ARHGAP10: variants seen among roughly 807,000 people sequenced by gnomAD.
The protein encoded by ARHGAP10 is rho GTPase-activating protein 10.
ARHGAP10 carries 87 observed loss-of-function variants against 108.6 expected under a neutral mutation model. That is an observed-to-expected ratio of 0.80 (90% CI 0.67 to 0.96). The LOEUF is 0.96. Among genes scored for constraint, ARHGAP10 ranks in the 40% least tolerant of loss-of-function variants. The pLI, the probability that ARHGAP10 is intolerant of heterozygous loss-of-function variation, is 0.00. For synonymous variants in ARHGAP10, 347 were observed against 341.1 expected, an observed-to-expected ratio of 1.02 and a Z score of -0.19; for missense variants, 939 against 954.5, an observed-to-expected ratio of 0.98 and a Z score of 0.21.
chr4:148,064,340 AG>A (rs1339790169), intron 21 of ARHGAP10, 75 bp from the exon 22 acceptor site: 4 of 1,271,996 alleles, frequency 3.1e-6, no homozygotes, highest in East Asian at 4.8e-5. Context: ...GATTTGGGGA[AG>A]GGGGGTTGGG....
At chr4:148,067,999 G>A (rs1387417646) in intron 22 of ARHGAP10, among the ~76,000 whole-genome samples, 1 of 151,252 alleles carries the variant, frequency 6.6e-6, no homozygotes, top group Non-Finnish European at 1.5e-5. Flanking sequence ...CCCCACCCTC[G>A]GGAGAGGGCT....
intron 19 of ARHGAP10, among the ~76,000 whole-genome samples, chr4:148,025,519 G>GA (rs1400738191): frequency 1.3e-5 from 2 of 151,366 alleles, no homozygotes; most frequent in East Asian, 1.9e-4. Flanking sequence ...TTAGTTGTGT[G>GA]AAAAAATAGT....
At chr4:147,883,728 T>A (rs1054177875) in intron 10 of ARHGAP10, among the ~76,000 whole-genome samples, 2 of 152,112 alleles carry the variant, frequency 1.3e-5, no homozygotes, top group Non-Finnish European at 2.9e-5. Context: ...GAGTCTCACT[T>A]TTTTTGCCCA....
In ARHGAP10 at chr4:147,791,361, C is replaced by T. The variant is rs558686775; in HGVS notation, c.155-31366C>T. On this transcript the variant is annotated intron_variant, in intron 1 of 22. Coordinates refer to ENST00000336498, the MANE Select transcript of ARHGAP10 (RefSeq NM_024605.4). ...TCCTAGCCTCAGGTGATCTGCCTGC[C>T]TCAGCCTCCCGAAGTGCTGAGATTA... Among the ~76,000 whole-genome samples the T allele has an allele frequency of 9.2e-5, 14 of 152,148 alleles. No homozygotes were observed. In the South Asian group the frequency reaches 2.7e-3, roughly 29 times the overall value.
intron 6 of ARHGAP10, chr4:147,865,709 T>C (rs1734529365): frequency 6.6e-6 from 1 of 152,242 alleles, no homozygotes; most frequent in African/African-American, 2.4e-5. Context: ...ATTGTGAGTA[T>C]GGTTTATAGA....
At chr4:147,994,352 G>A (rs1368177772) in intron 18 of ARHGAP10, among the ~76,000 whole-genome samples, 1 of 152,156 alleles carries the variant, frequency 6.6e-6, no homozygotes, top group Non-Finnish European at 1.5e-5. Flanking sequence ...CCGGTGCCTG[G>A]CTGTGTGCAC....
At chr4:147,927,454 C>A (rs1737506273) in intron 13 of ARHGAP10, among the ~76,000 whole-genome samples, 1 of 152,152 alleles carries the variant, frequency 6.6e-6, no homozygotes, top group Non-Finnish European at 1.5e-5. Flanking sequence ...CTGCATATGA[C>A]AATATATTAA....
At chr4:147,734,453 T>C (rs1331513794) in intron 1 of ARHGAP10, among the ~76,000 whole-genome samples, 1 of 152,182 alleles carries the variant, frequency 6.6e-6, no homozygotes, top group Non-Finnish European at 1.5e-5. Flanking sequence ...TTGGGAAGTG[T>C]CTTTTTTTCT....
At chr4:148,023,466 T>A in intron 19 of ARHGAP10, 53 bp downstream of exon 19, 11 of 1,560,862 alleles carry the variant, frequency 7.0e-6, no homozygotes, top group Non-Finnish European at 9.6e-6. Flanking sequence ...GTATGGCGTA[T>A]CATATGTCGT....
intron 3 of ARHGAP10, among the ~76,000 whole-genome samples, chr4:147,839,035 CT>C (rs1733289799): frequency 6.6e-6 from 1 of 151,836 alleles, no homozygotes; most frequent in Non-Finnish European, 1.5e-5. Context: ...GAGGCAAGTT[CT>C]TTTTTTTCCT....
At chr4:148,052,392 CTTTTTTTTTTT>C (rs35449374) in intron 20 of ARHGAP10, among the ~76,000 whole-genome samples, 1 of 90,712 alleles carries the variant, frequency 1.1e-5, no homozygotes, top group South Asian at 4.3e-4. Context: ...TGCACATTTG[CTTTTTTTTTTT>C]TTTTTTTTTG....
chr4:147,769,512 T>C (rs145004922), intron 1 of ARHGAP10, among the ~76,000 whole-genome samples: 160 of 152,330 alleles, frequency 1.1e-3, no homozygotes, highest in African/African-American at 3.4e-3. Context: ...ATGTAATAAA[T>C]TCCTTGTTAA....
Position 148,072,123 on chromosome 4 carries a change from C to G in ARHGAP10, c.*42C>G. 1 of 1,562,996 alleles carries G rather than the reference C, an allele frequency of 6.4e-7. No individual in the cohort carries two copies. Among genetic ancestry groups the G allele is most frequent in the African/African-American group, 1.4e-5 (1 of 73,314 alleles). On this transcript the variant is annotated 3_prime_UTR_variant, in exon 23 of 23. Transcript: ENST00000336498. The stretch of plus-strand genomic sequence containing the variant: ...CCCTGCTGACCCTGGCACCCAGGGA[C>G]CTGCCTGGGGGCAGAGAGCTGTCTT...
intron 10 of ARHGAP10, among the ~76,000 whole-genome samples, chr4:147,897,854 G>C (rs2126895373): frequency 6.6e-6 from 1 of 151,816 alleles, no homozygotes; most frequent in African/African-American, 2.4e-5. Context: ...ACTTTTTTTG[G>C]CTATATGTGT....
chr4:148,062,246 G>C (rs1323292246), intron 20 of ARHGAP10, among the ~76,000 whole-genome samples: 2 of 152,184 alleles, frequency 1.3e-5, no homozygotes, highest in Non-Finnish European at 2.9e-5. Flanking sequence ...GAAGAACACG[G>C]TGCTAGTTCT....
chr4:147,817,929 A>G (rs1042046760), intron 1 of ARHGAP10, among the ~76,000 whole-genome samples: 1 of 152,222 alleles, frequency 6.6e-6, no homozygotes, highest in Non-Finnish European at 1.5e-5. Flanking sequence ...CACTAGAGTC[A>G]TTTAGAGAGC....
intron 14 of ARHGAP10, among the ~76,000 whole-genome samples, chr4:147,943,223 G>T (rs1738227177): frequency 6.6e-6 from 1 of 152,214 alleles, no homozygotes; most frequent in Non-Finnish European, 1.5e-5. Context: ...AGTAGTTTGT[G>T]TGGTCTGGTG....
chr4:147,967,870 A>C (rs1418990700), intron 18 of ARHGAP10, among the ~76,000 whole-genome samples: 1 of 152,056 alleles, frequency 6.6e-6, no homozygotes, highest in Non-Finnish European at 1.5e-5. Context: ...TATTCTGTTA[A>C]ATTTTTGCCT....
At chr4:148,002,765 T>G (rs1280388983) in intron 18 of ARHGAP10, among the ~76,000 whole-genome samples, 1 of 152,248 alleles carries the variant, frequency 6.6e-6, no homozygotes, top group Admixed American at 6.5e-5. Flanking sequence ...TGATATCCTC[T>G]TTATCATTTT....
Sources: gnomAD v4.1 joint callset for allele counts (sites outside exome capture counted in the v4.1 genomes callset) on GRCh38, gnomAD v4.1.1 for gene constraint, MANE v1.5 for transcripts, NCBI Gene and HGNC (gene_info 2026-07-23, HGNC 2026-07-21) for gene names.